The following DNMBP variants were observed in gnomAD, a reference collection of about 807,000 sequenced individuals.
DNMBP encodes dynamin-binding protein.
Under a neutral mutation model 150.0 loss-of-function variants are expected in DNMBP, and 87 were observed. The observed-to-expected ratio is 0.58, with a 90% CI of 0.49 to 0.69. The LOEUF is 0.69. Ranked by LOEUF, DNMBP falls within the 30% of genes least tolerant of loss-of-function variation. The pLI, the probability that DNMBP is intolerant of heterozygous loss-of-function variation, is 0.00. For synonymous variants in DNMBP, 711 were observed against 750.4 expected (o/e 0.95, Z 0.86); for missense variants, 1,774 against 1,949.0 (o/e 0.91, Z 1.69).
intron 11 of DNMBP, among the ~76,000 whole-genome samples, chr10:99,890,228 TC>T (rs2039536253): frequency 6.6e-6 from 1 of 152,186 alleles, no homozygotes; most frequent in African/African-American, 2.4e-5. Flanking sequence ...TGTTATAAAG[TC>T]CCCAAATATC....
chr10:99,933,067 G>A (rs1386895459), intron 4 of DNMBP, among the ~76,000 whole-genome samples: 2 of 149,746 alleles, frequency 1.3e-5, no homozygotes, highest in African/African-American at 5.0e-5. Context: ...GGCCTAGGTG[G>A]GAGGATCACT....
chr10:100,003,122 C>T (rs2041034080), intron 1 of DNMBP, among the ~76,000 whole-genome samples: 1 of 152,046 alleles, frequency 6.6e-6, no homozygotes, highest in African/African-American at 2.4e-5. Context: ...GGCCAAGGCA[C>T]GTGGATCACA....
At chr10:99,996,474 C>T (rs2040952697) in intron 1 of DNMBP, among the ~76,000 whole-genome samples, 1 of 152,130 alleles carries the variant, frequency 6.6e-6, no homozygotes, top group Non-Finnish European at 1.5e-5. Context: ...GAGCCGAAAT[C>T]GCACCACTGC....
intron 16 of DNMBP, among the ~76,000 whole-genome samples, 160 bp from the exon 17 acceptor site, chr10:99,877,496 ATTTAAT>A (rs1590204121): frequency 6.6e-6 from 1 of 152,268 alleles, no homozygotes; most frequent in African/African-American, 2.4e-5. Flanking sequence ...TTTTAATCTT[ATTTAAT>A]TTTAACTAAA....
intron 1 of DNMBP, among the ~76,000 whole-genome samples, chr10:100,008,997 A>C (rs2041104934): frequency 6.6e-6 from 1 of 152,230 alleles, no homozygotes; most frequent in Admixed American, 6.5e-5. Context: ...AAAGTGTTTT[A>C]ATACAAGATC....
intron 7 of DNMBP, 92 bp from the exon 8 acceptor site, chr10:99,898,852 G>GAAAA: frequency 8.1e-7 from 1 of 1,239,880 alleles, no homozygotes; most frequent in Admixed American, 1.9e-5. Context: ...AATCATGTGG[G>GAAAA]ACAAAAAATT....
chr10:99,965,948 A>C (rs1418134734), intron 3 of DNMBP, among the ~76,000 whole-genome samples: 2 of 152,258 alleles, frequency 1.3e-5, no homozygotes. Flanking sequence ...CAGGAAACCT[A>C]GATGCAAGTC....
chr10:99,922,380 C>A (rs1391180218), intron 4 of DNMBP, among the ~76,000 whole-genome samples: 1 of 152,032 alleles, frequency 6.6e-6, no homozygotes, highest in Non-Finnish European at 1.5e-5. Context: ...TCCTTGATAT[C>A]TCTCGCTTTT....
intron 1 of DNMBP, among the ~76,000 whole-genome samples, chr10:100,008,197 A>G (rs187185520): frequency 6.6e-6 from 1 of 152,346 alleles, no homozygotes; most frequent in Admixed American, 6.5e-5. Context: ...AGATTGATGG[A>G]ACGTTGAGGG....
chr10:99,989,390 C>T (rs990585213), intron 1 of DNMBP, among the ~76,000 whole-genome samples: 4 of 152,160 alleles, frequency 2.6e-5, no homozygotes, highest in Admixed American at 2.6e-4. Flanking sequence ...GGCTCTTTAG[C>T]CTGGGCCCCA....
At chr10:99,990,846 CACACACAT>C (rs1168372410) in intron 1 of DNMBP, among the ~76,000 whole-genome samples, 8 of 58,424 alleles carry the variant, frequency 1.4e-4, no homozygotes, top group African/African-American at 5.3e-4. Flanking sequence ...TACACACACA[CACACACAT>C]ATATATATAT....
intron 4 of DNMBP, among the ~76,000 whole-genome samples, chr10:99,935,691 A>C (rs1250507096): frequency 1.3e-5 from 2 of 152,058 alleles, no homozygotes; most frequent in African/African-American, 4.8e-5. Flanking sequence ...CAGCCTCTCG[A>C]GTAGCTGGGG....
intron 1 of DNMBP, among the ~76,000 whole-genome samples, chr10:99,989,776 A>G (rs2040866714): frequency 6.6e-6 from 1 of 152,136 alleles, no homozygotes; most frequent in African/African-American, 2.4e-5. Context: ...AGTCTAGCTC[A>G]GATCAGCTAA....
At position 99,915,108 on chromosome 10, in the gene DNMBP, A is replaced by AAAAAAAAAATATAT. The variant is rs10654940; in HGVS notation, c.2261-5963_2261-5962insATATATTTTTTTTT. On this transcript the variant is annotated intron_variant, in intron 4 of 16. Transcript: ENST00000324109. ...AAACTCTGTCTCAAAAAAAAAAAAAAATATATATATATATATATATACACA... is the reference window on the plus strand; with the variant it reads ...AAACTCTGTCTCAAAAAAAAAAAAAAAAAAAAAAATATATATATATATATATATATATATACACA... Among the ~76,000 whole-genome samples, 45 of 99,768 alleles carry AAAAAAAAAATATAT rather than the reference A, an allele frequency of 4.5e-4. 2 individuals carry two copies. Among genetic ancestry groups the AAAAAAAAAATATAT allele is most frequent in the African/African-American group, 1.8e-3 (41 of 22,642 alleles). 65.5% of individuals were successfully genotyped at this position (99,768 alleles called of 152,430 possible).
At chr10:99,959,903 T>A (rs1433102133) in intron 3 of DNMBP, among the ~76,000 whole-genome samples, 1 of 151,546 alleles carries the variant, frequency 6.6e-6, no homozygotes, top group Non-Finnish European at 1.5e-5. Context: ...GGGTTCTTTG[T>A]TGGAGATGAA....
chr10:100,009,434 G>A (rs1407002535), intron 1 of DNMBP, among the ~76,000 whole-genome samples: 1 of 152,276 alleles, frequency 6.6e-6, no homozygotes, highest in Non-Finnish European at 1.5e-5. Context: ...TATGCCGTAA[G>A]GCTCCGAACA....
At chr10:100,001,678 G>A (rs1049003053) in intron 1 of DNMBP, among the ~76,000 whole-genome samples, 1 of 152,158 alleles carries the variant, frequency 6.6e-6, no homozygotes, top group African/African-American at 2.4e-5. Flanking sequence ...CTACCAAAGT[G>A]CCGGGATTAC....
At position 99,893,486 on chromosome 10, in the gene DNMBP, A is replaced by G. The variant is rs2039605455; in HGVS notation, c.3156+1460T>C. On this transcript the variant is annotated intron_variant, in intron 11 of 16. Coordinates refer to ENST00000324109, the MANE Select transcript of DNMBP (RefSeq NM_015221.4). ...CGCGGTGGCTCACGCCTGTAATTCCAACACTTTGGAAGACCAAGGTGGGTG... is the reference window on the plus strand; with the variant it reads ...CGCGGTGGCTCACGCCTGTAATTCCGACACTTTGGAAGACCAAGGTGGGTG... Among the ~76,000 whole-genome samples, 4 of 152,254 alleles carry G rather than the reference A, an allele frequency of 2.6e-5. No individual in the cohort carries two copies. The South Asian group carries it at 8.3e-4, about 32-fold the overall frequency.
chr10:99,944,502 T>C (rs1188919539), intron 4 of DNMBP, among the ~76,000 whole-genome samples: 1 of 152,212 alleles, frequency 6.6e-6, no homozygotes, highest in African/African-American at 2.4e-5. Flanking sequence ...TGTTCAGACT[T>C]GAAGGTAGTG....
Sources: allele counts gnomAD v4.1 joint callset (sites outside exome capture counted in the v4.1 genomes callset), GRCh38; gene constraint gnomAD v4.1.1; transcripts MANE v1.5; gene names NCBI Gene and HGNC (gene_info 2026-07-23, HGNC 2026-07-21).